The following RANBP2 variants were observed in gnomAD, a reference collection of about 807,000 sequenced individuals.
RANBP2 encodes the protein E3 SUMO-protein ligase RanBP2.
A neutral mutation model predicts 303.6 loss-of-function variants in RANBP2; 57 were observed. The observed-to-expected ratio is 0.19, with a 90% CI of 0.15 to 0.23. The LOEUF is 0.23. RANBP2 is among the 10% of genes least tolerant of loss of function. The pLI is 1.00. For missense variants in RANBP2, 3,138 were observed against 3,780.8 expected, an observed-to-expected ratio of 0.83 and a Z score of 4.46; for synonymous variants, 1,167 against 1,301.5, an observed-to-expected ratio of 0.90 and a Z score of 2.23.
the RANBP2 span, among the ~76,000 whole-genome samples, chr2:109,111,082 A>G: frequency 6.6e-6 from 1 of 152,138 alleles, no homozygotes; most frequent in Non-Finnish European, 1.5e-5. Flanking sequence ...TGCACAGATG[A>G]TCATCCAGTT....
At chr2:108,796,456 A>G in the RANBP2 span, among the ~76,000 whole-genome samples, 1 of 152,206 alleles carries the variant, frequency 6.6e-6, no homozygotes. Flanking sequence ...GAACTACCGT[A>G]TGATCCAGCA....
At chr2:108,792,890 C>G in the RANBP2 span, among the ~76,000 whole-genome samples, 2 of 151,124 alleles carry the variant, frequency 1.3e-5, no homozygotes, top group East Asian at 3.9e-4. Flanking sequence ...CGGTGAAACC[C>G]TGTCTCTACT....
the RANBP2 span, among the ~76,000 whole-genome samples, chr2:109,602,631 C>T: frequency 1.3e-5 from 2 of 149,370 alleles, no homozygotes; most frequent in African/African-American, 2.5e-5. Flanking sequence ...GCCGAGATCG[C>T]ACCATTGCAC....
At chr2:109,496,842 T>G in the RANBP2 span, among the ~76,000 whole-genome samples, 1 of 152,220 alleles carries the variant, frequency 6.6e-6, no homozygotes, top group Non-Finnish European at 1.5e-5. Flanking sequence ...ATAAAGAGAT[T>G]ACCCGGGATT....
the RANBP2 span, chr2:109,544,176 T>C: frequency 6.5e-5 from 103 of 1,586,930 alleles, no homozygotes; most frequent in African/African-American, 1.3e-3. Context: ...TTTCCATAAA[T>C]ATCAGTAACT....
the RANBP2 span, among the ~76,000 whole-genome samples, chr2:108,861,825 C>T: frequency 6.6e-6 from 1 of 152,046 alleles, no homozygotes; most frequent in Non-Finnish European, 1.5e-5. Context: ...GCGTGAGCCA[C>T]CGCGCCCAGC....
the RANBP2 span, among the ~76,000 whole-genome samples, chr2:109,583,592 G>T: frequency 7.2e-4 from 109 of 152,254 alleles, no homozygotes; most frequent in African/African-American, 2.4e-3. Flanking sequence ...ATTTCTCAAA[G>T]AACTTAAACC....
intron 12 of RANBP2, 60 bp downstream of exon 12, chr2:108,752,054 A>C (rs1482832060): frequency 1.2e-5 from 19 of 1,603,008 alleles, no homozygotes; most frequent in Non-Finnish European, 1.6e-5. Flanking sequence ...AAAATCATGA[A>C]CTTTTTATTG....
chr2:109,450,313 T>A, the RANBP2 span, among the ~76,000 whole-genome samples: 1 of 150,824 alleles, frequency 6.6e-6, no homozygotes, highest in Non-Finnish European at 1.5e-5. Flanking sequence ...GCCACTGCAC[T>A]CCAGCCTGGG....
chr2:108,839,641 A>G, the RANBP2 span, among the ~76,000 whole-genome samples: 2 of 152,182 alleles, frequency 1.3e-5, no homozygotes. Flanking sequence ...GAGCAATTTT[A>G]GTTGGTATTG....
the RANBP2 span, among the ~76,000 whole-genome samples, chr2:109,470,760 C>T: frequency 1.3e-5 from 2 of 152,182 alleles, no homozygotes; most frequent in Admixed American, 1.3e-4. Flanking sequence ...GCTCAGCCAC[C>T]CCTGTTCCAC....
At chr2:109,249,348 C>G in the RANBP2 span, among the ~76,000 whole-genome samples, 3 of 152,156 alleles carry the variant, frequency 2.0e-5, no homozygotes, top group Non-Finnish European at 4.4e-5. Context: ...AAAAAATCCC[C>G]GAGCAAGTTG....
At chr2:109,714,772 G>C in the RANBP2 span, among the ~76,000 whole-genome samples, 25,712 of 151,640 alleles carry the variant, frequency 0.17, 2,756 homozygotes, top group East Asian at 0.3. Context: ...CCACCACCAG[G>C]CTAATTATTG....
chr2:108,746,371 G>A lies in RANBP2; in HGVS notation c.976-340G>A, dbSNP rs1161097779. ...GGAATTAATAGGTGTGTGCCACCAC[G>A]CCTGGCTCTTTGTTTTTTTTTTATT... On this transcript the variant is annotated intron_variant, in intron 7 of 28. Transcript: ENST00000283195. Among the ~76,000 whole-genome samples the A allele has an allele frequency of 3.3e-5, 5 of 151,496 alleles. No individual in the cohort carries two copies. The South Asian group carries it at 1.0e-3, about 32-fold the overall frequency.
At chr2:109,485,157 T>G in the RANBP2 span, among the ~76,000 whole-genome samples, 1 of 152,206 alleles carries the variant, frequency 6.6e-6, no homozygotes, top group Non-Finnish European at 1.5e-5. Context: ...CAGCGTTTGG[T>G]GTGTGCCCAA....
chr2:109,526,368 T>C, the RANBP2 span, among the ~76,000 whole-genome samples: 5 of 152,160 alleles, frequency 3.3e-5, no homozygotes, highest in Non-Finnish European at 5.9e-5. Flanking sequence ...AGTGCAGTGG[T>C]CTGATCTCAG....
At chr2:109,374,808 G>A in the RANBP2 span, among the ~76,000 whole-genome samples, 2 of 152,212 alleles carry the variant, frequency 1.3e-5, no homozygotes, top group East Asian at 1.9e-4. Flanking sequence ...GGGGTTCACC[G>A]AGGGACTCTC....
At chr2:108,954,405 C>T in the RANBP2 span, among the ~76,000 whole-genome samples, 161 of 152,298 alleles carry the variant, frequency 1.1e-3, no homozygotes, top group African/African-American at 3.8e-3. Flanking sequence ...CCTACCTGCC[C>T]TCTCTCGCCC....
the RANBP2 span, among the ~76,000 whole-genome samples, chr2:109,143,719 A>G: frequency 6.6e-6 from 1 of 152,124 alleles, no homozygotes; most frequent in Non-Finnish European, 1.5e-5. Flanking sequence ...GCACCACTGC[A>G]CTCCAGCCTG....
Sources: allele counts gnomAD v4.1 joint callset (sites outside exome capture counted in the v4.1 genomes callset), GRCh38; gene constraint gnomAD v4.1.1; transcripts MANE v1.5; gene names NCBI Gene and HGNC (gene_info 2026-07-23, HGNC 2026-07-21).